The following HDAC9 variants were observed in gnomAD, a reference collection of about 807,000 sequenced individuals.
The protein encoded by HDAC9 is MEF-2 interacting transcription repressor (MITR) protein.
Under a neutral mutation model 139.4 loss-of-function variants are expected in HDAC9, and 41 were observed. The ratio of observed to expected loss-of-function variants is 0.29; its 90% CI spans 0.23 to 0.38. The LOEUF (loss-of-function observed/expected upper bound fraction) is 0.38. Among genes scored for constraint, HDAC9 ranks in the 10% least tolerant of loss-of-function variants. HDAC9 has a pLI of 1.00. For synonymous variants in HDAC9, 517 were observed against 476.2 expected (o/e 1.09, Z -1.12); for missense variants, 1,147 against 1,297.0 (o/e 0.88, Z 1.78).
chr7:18,899,401 T>G (rs1801496528), intron 22 of HDAC9: 3 of 151,942 alleles, frequency 2.0e-5, no homozygotes, highest in Non-Finnish European at 4.4e-5. Flanking sequence ...TTATTATCTT[T>G]TCTGAGATTG....
intron 1 of HDAC9, among the ~76,000 whole-genome samples, chr7:18,468,389 A>C (rs551158207): frequency 1.3e-5 from 2 of 151,668 alleles, no homozygotes; most frequent in African/African-American, 4.8e-5. Context: ...ATACTACTTT[A>C]TTTTGTTGCT....
At chr7:18,387,376 C>T (rs1786040353) in intron 1 of HDAC9, among the ~76,000 whole-genome samples, 1 of 152,124 alleles carries the variant, frequency 6.6e-6, no homozygotes, top group African/African-American at 2.4e-5. Flanking sequence ...AAAAAAGTCC[C>T]ACATTTTATT....
At chr7:18,894,732 T>C (rs1801015131) in intron 22 of HDAC9, among the ~76,000 whole-genome samples, 1 of 152,172 alleles carries the variant, frequency 6.6e-6, no homozygotes, top group South Asian at 2.1e-4. Flanking sequence ...ATTTATGTGA[T>C]GCTGGTCATC....
intron 1 of HDAC9, among the ~76,000 whole-genome samples, chr7:18,373,237 G>GAGTAAGAAAAGGTGGTGT (rs1255053456): frequency 6.6e-6 from 1 of 152,088 alleles, no homozygotes; most frequent in Non-Finnish European, 1.5e-5. Context: ...GAGCACTAAC[G>GAGTAAGAAAAGGTGGTGT]AGTAAGAAAA....
intron 2 of HDAC9, among the ~76,000 whole-genome samples, chr7:18,189,985 G>T (rs1158320556): frequency 6.6e-6 from 1 of 151,810 alleles, no homozygotes; most frequent in African/African-American, 2.4e-5. Flanking sequence ...TGTTGCCCAG[G>T]CTGGAGTACA....
intron 16 of HDAC9, among the ~76,000 whole-genome samples, chr7:18,769,823 A>G (rs572644053): frequency 6.6e-6 from 1 of 152,234 alleles, no homozygotes; most frequent in East Asian, 1.9e-4. Context: ...CCAACTTGGC[A>G]GCATGGGAGC....
intron 1 of HDAC9, among the ~76,000 whole-genome samples, chr7:18,385,463 G>A (rs554112481): frequency 8.3e-4 from 127 of 152,154 alleles, no homozygotes; most frequent in Non-Finnish European, 1.6e-3. Context: ...AAGTAAATCT[G>A]AGTGTATTTT....
At chr7:18,864,346 G>C (rs1436539515) in intron 21 of HDAC9, among the ~76,000 whole-genome samples, 1 of 152,164 alleles carries the variant, frequency 6.6e-6, no homozygotes, top group Non-Finnish European at 1.5e-5. Context: ...GAAGCAGACA[G>C]TGCAATGGTT....
chr7:18,841,640 G>A (rs570661360), intron 21 of HDAC9, among the ~76,000 whole-genome samples: 6 of 152,126 alleles, frequency 3.9e-5, no homozygotes, highest in Non-Finnish European at 8.8e-5. Flanking sequence ...TACAGGAACT[G>A]TAGTCCCTGT....
At chr7:18,106,969 T>C (rs1053563349) in intron 1 of HDAC9, among the ~76,000 whole-genome samples, 9 of 152,234 alleles carry the variant, frequency 5.9e-5, no homozygotes, top group African/African-American at 2.2e-4. Context: ...GATGAGCTTA[T>C]ACCACCTTTG....
At position 18,852,056 on chromosome 7, in the gene HDAC9, T is replaced by C. The variant is rs548380035; in HGVS notation, c.2684+16059T>C. Among the ~76,000 whole-genome samples the C allele has an allele frequency of 2.0e-5, 3 of 152,298 alleles. No individual in the cohort carries two copies. The South Asian group carries it at 6.2e-4, about 32-fold the overall frequency. The stretch of plus-strand genomic sequence containing the variant: ...AGGCTGCTGAGGGGTGCAGAAATGG[T>C]ACACCTCTGTTCTGGCTGCTTGATC... On this transcript the variant is annotated intron_variant, in intron 21 of 25. Coordinates refer to ENST00000686413, the MANE Select transcript of HDAC9 (RefSeq NM_178425.4).
At chr7:18,760,596 T>C (rs962008880) in intron 14 of HDAC9, among the ~76,000 whole-genome samples, 1 of 152,224 alleles carries the variant, frequency 6.6e-6, no homozygotes, top group Non-Finnish European at 1.5e-5. Context: ...CAATGCTGAA[T>C]GATAGCATCA....
At chr7:18,279,379 A>G (rs557399695) in intron 2 of HDAC9, among the ~76,000 whole-genome samples, 2 of 152,032 alleles carry the variant, frequency 1.3e-5, no homozygotes, top group Non-Finnish European at 1.5e-5. Flanking sequence ...AAATTTTCAT[A>G]TTTTGATCTT....
chr7:18,740,667 G>C (rs866115216), intron 13 of HDAC9, among the ~76,000 whole-genome samples: 5 of 152,158 alleles, frequency 3.3e-5, no homozygotes, highest in African/African-American at 9.7e-5. Flanking sequence ...GTGAAAGGAA[G>C]AGTCACATGT....
At chr7:18,498,519 G>A (rs1342261689) in intron 2 of HDAC9, among the ~76,000 whole-genome samples, 1 of 152,092 alleles carries the variant, frequency 6.6e-6, no homozygotes, top group Admixed American at 6.6e-5. Context: ...TAAATTAGGG[G>A]TATGTTTGTC....
At chr7:18,831,834 A>C (rs1474818601) in intron 19 of HDAC9, among the ~76,000 whole-genome samples, 1 of 152,168 alleles carries the variant, frequency 6.6e-6, no homozygotes, top group African/African-American at 2.4e-5. Context: ...TGCAAATCCA[A>C]AGTCATTAAT....
intron 14 of HDAC9, among the ~76,000 whole-genome samples, chr7:18,750,764 T>C (rs1584971692): frequency 6.6e-6 from 1 of 152,202 alleles, no homozygotes; most frequent in South Asian, 2.1e-4. Flanking sequence ...GAATTATTTG[T>C]GGTAGGCTGG....
At chr7:18,625,491 G>A (rs990939484) in intron 6 of HDAC9, among the ~76,000 whole-genome samples, 7 of 152,152 alleles carry the variant, frequency 4.6e-5, no homozygotes, top group Non-Finnish European at 1.0e-4. Context: ...CCCCTGGCCT[G>A]TACCCATACC....
intron 22 of HDAC9, among the ~76,000 whole-genome samples, chr7:18,904,622 G>T (rs1480252915): frequency 7.5e-6 from 1 of 132,498 alleles, no homozygotes; most frequent in African/African-American, 2.9e-5. Flanking sequence ...CTGTCTCCCA[G>T]GCTGAAGTGC....
Sources: allele counts gnomAD v4.1 joint callset (sites outside exome capture counted in the v4.1 genomes callset), GRCh38; gene constraint gnomAD v4.1.1; transcripts MANE v1.5; gene names NCBI Gene and HGNC (gene_info 2026-07-23, HGNC 2026-07-21).